The following PRR16 variants were observed in gnomAD, a reference collection of about 807,000 sequenced individuals.
PRR16 encodes protein Largen.
Under a neutral mutation model 18.2 loss-of-function variants are expected in PRR16, and 6 were observed. The ratio of observed to expected loss-of-function variants is 0.33; its 90% CI spans 0.18 to 0.65. The LOEUF is 0.65. PRR16 is among the 30% of genes least tolerant of loss of function. The pLI is 0.74. For missense variants in PRR16, 412 were observed against 376.6 expected (o/e 1.09, Z -0.78); for synonymous variants, 151 against 147.8 (o/e 1.02, Z -0.16).
chr5:120,678,150 C>T (rs949340254), intron 1 of PRR16, among the ~76,000 whole-genome samples: 1 of 151,900 alleles, frequency 6.6e-6, no homozygotes, highest in Non-Finnish European at 1.5e-5. Flanking sequence ...ACCTGGTGAT[C>T]CGCCTGCCTC....
At chr5:120,524,956 A>G (rs1420059430) in intron 1 of PRR16, among the ~76,000 whole-genome samples, 2 of 152,114 alleles carry the variant, frequency 1.3e-5, no homozygotes, top group African/African-American at 4.8e-5. Context: ...ATGATAATAT[A>G]AAAATATCTT....
At chr5:120,704,189 G>A in the PRR16 span, among the ~76,000 whole-genome samples, 1 of 152,116 alleles carries the variant, frequency 6.6e-6, no homozygotes, top group African/African-American at 2.4e-5. Context: ...TGTTGGTGGT[G>A]GAGAAGGACA....
In PRR16 at chr5:120,489,916, A is replaced by C. The variant is rs536292262; in HGVS notation, c.159+25271A>C. 2.3e-3 allele frequency among the ~76,000 whole-genome samples: 353 copies of C among 152,220 alleles called. 1 individual carries two copies. The highest frequency in any genetic ancestry group is 7.9e-3 in the African/African-American group (330 of 41,524). On this transcript the variant is annotated intron_variant, in intron 1 of 1. Coordinates refer to ENST00000407149, the MANE Select transcript of PRR16 (RefSeq NM_001300783.2). ...TATTTCTCCTTCATTTATGAAACTT[A>C]GTTTGGCTGGATATGAAATTCTGGG...
At chr5:120,646,749 T>C (rs932975083) in intron 1 of PRR16, among the ~76,000 whole-genome samples, 1 of 151,900 alleles carries the variant, frequency 6.6e-6, no homozygotes, top group African/African-American at 2.4e-5. Context: ...TGATTTGGGA[T>C]AAACAGATGG....
At chr5:120,499,847 G>T (rs751794906) in intron 1 of PRR16, among the ~76,000 whole-genome samples, 92 of 151,178 alleles carry the variant, frequency 6.1e-4, no homozygotes, top group Non-Finnish European at 1.0e-3. Flanking sequence ...GGACATTTTA[G>T]GTATTACATT....
intron 1 of PRR16, among the ~76,000 whole-genome samples, chr5:120,533,631 T>C (rs1197505912): frequency 6.6e-6 from 1 of 152,128 alleles, no homozygotes; most frequent in African/African-American, 2.4e-5. Flanking sequence ...GGGAAAAGTT[T>C]CCAAAGCAGG....
At chr5:120,791,874 G>C in the PRR16 span, among the ~76,000 whole-genome samples, 1 of 152,110 alleles carries the variant, frequency 6.6e-6, no homozygotes, top group East Asian at 1.9e-4. Flanking sequence ...ATATCTCCTG[G>C]TACTTAGAAT....
intron 1 of PRR16, among the ~76,000 whole-genome samples, chr5:120,574,663 G>A (rs2112742106): frequency 6.8e-6 from 1 of 146,168 alleles, no homozygotes; most frequent in African/African-American, 2.7e-5. Flanking sequence ...ATATGAAACA[G>A]TACTCAATTT....
At chr5:120,505,554 G>A (rs937817067) in intron 1 of PRR16, among the ~76,000 whole-genome samples, 2 of 152,084 alleles carry the variant, frequency 1.3e-5, no homozygotes, top group Non-Finnish European at 2.9e-5. Context: ...TCATAAGAAA[G>A]ATCAGGCTAT....
chr5:120,516,149 C>G (rs576194376), intron 1 of PRR16, among the ~76,000 whole-genome samples: 1 of 152,146 alleles, frequency 6.6e-6, no homozygotes, highest in South Asian at 2.1e-4. Flanking sequence ...AAAAGCTGGT[C>G]GTGGTGGTTT....
At chr5:120,683,274 T>C (rs1757026305) in intron 1 of PRR16, among the ~76,000 whole-genome samples, 1 of 152,164 alleles carries the variant, frequency 6.6e-6, no homozygotes, top group African/African-American at 2.4e-5. Context: ...GAGTGGATCA[T>C]GAGGTCAGGC....
At chr5:120,502,125 G>A (rs1383491239) in intron 1 of PRR16, among the ~76,000 whole-genome samples, 5 of 151,260 alleles carry the variant, frequency 3.3e-5, no homozygotes, top group African/African-American at 1.2e-4. Context: ...AGCTTTGGAA[G>A]CCCTTTGTTT....
the PRR16 span, among the ~76,000 whole-genome samples, chr5:120,703,574 C>T: frequency 6.6e-6 from 1 of 152,184 alleles, no homozygotes; most frequent in Non-Finnish European, 1.5e-5. Context: ...TATTTGTTTA[C>T]TGAATTCATA....
chr5:120,728,433 A>C, the PRR16 span, among the ~76,000 whole-genome samples: 1 of 152,016 alleles, frequency 6.6e-6, no homozygotes, highest in African/African-American at 2.4e-5. Flanking sequence ...GAATTCTTAA[A>C]GTTATTAAAT....
At chr5:120,611,483 G>T (rs1580785473) in intron 1 of PRR16, among the ~76,000 whole-genome samples, 1 of 152,274 alleles carries the variant, frequency 6.6e-6, no homozygotes, top group East Asian at 1.9e-4. Context: ...TCCCCATGCT[G>T]TGTGCAGCCT....
chr5:120,502,851 A>T (rs1404550594), intron 1 of PRR16, among the ~76,000 whole-genome samples: 2 of 152,312 alleles, frequency 1.3e-5, no homozygotes, highest in East Asian at 3.9e-4. Flanking sequence ...CGTCCCAAAA[A>T]ATAATAGTAA....
intron 1 of PRR16, among the ~76,000 whole-genome samples, chr5:120,529,343 T>G (rs2112663431): frequency 6.6e-6 from 1 of 152,202 alleles, no homozygotes; most frequent in Middle Eastern, 3.4e-3. Flanking sequence ...TAGCTACCTA[T>G]TTTTTTCTTT....
the PRR16 span, among the ~76,000 whole-genome samples, chr5:120,772,516 T>A: frequency 6.6e-6 from 1 of 152,118 alleles, no homozygotes; most frequent in Non-Finnish European, 1.5e-5. Flanking sequence ...ATTAATAAAC[T>A]CAATATTTCC....
chr5:120,715,657 C>G, the PRR16 span, among the ~76,000 whole-genome samples: 1 of 152,084 alleles, frequency 6.6e-6, no homozygotes, highest in Non-Finnish European at 1.5e-5. Context: ...CATGTTAAAA[C>G]AAAGCAAGTA....
Sources: gnomAD v4.1 joint callset for allele counts (sites outside exome capture counted in the v4.1 genomes callset) on GRCh38, gnomAD v4.1.1 for gene constraint, MANE v1.5 for transcripts, NCBI Gene and HGNC (gene_info 2026-07-23, HGNC 2026-07-21) for gene names.